Variants in HECW1 observed in about 807,000 individuals in gnomAD.
The protein encoded by HECW1 is HECT, C2 and WW domain containing E3 ubiquitin protein ligase 1.
A neutral mutation model predicts 182.3 loss-of-function variants in HECW1; 61 were observed. The ratio of observed to expected loss-of-function variants is 0.33; its 90% CI spans 0.27 to 0.41. HECW1 has a LOEUF of 0.41. Ranked by LOEUF, HECW1 falls within the 10% of genes least tolerant of loss-of-function variation. The pLI, the probability that HECW1 is intolerant of heterozygous loss-of-function variation, is 1.00. For synonymous variants in HECW1, 859 were observed against 832.6 expected (o/e 1.03, Z -0.55); for missense variants, 1,739 against 2,108.9 (o/e 0.82, Z 3.44).
intron 3 of HECW1, among the ~76,000 whole-genome samples, chr7:43,261,502 T>C (rs1020921864): frequency 5.9e-5 from 9 of 152,168 alleles, no homozygotes; most frequent in Admixed American, 5.2e-4. Context: ...GTTTAAACCC[T>C]TGGGGGTTAA....
intron 24 of HECW1, among the ~76,000 whole-genome samples, chr7:43,530,624 C>CTAAATTTA (rs1306387716): frequency 1.3e-5 from 2 of 152,064 alleles, no homozygotes; most frequent in Non-Finnish European, 1.5e-5. Context: ...CATATGAATT[C>CTAAATTTA]TAAATTTATA....
In HECW1 at chr7:43,479,617, T is replaced by C; in HGVS notation, c.3107T>C (p.Phe1036Ser). 6.2e-7 allele frequency: 1 copy of C among 1,614,144 alleles called. No individual in the cohort carries two copies. Among genetic ancestry groups the C allele is most frequent in the Non-Finnish European group, 8.5e-7 (1 of 1,180,016 alleles). Residue 1036 changes from phenylalanine (F) to serine (S), a missense_variant, in exon 17 of 30, where the codon TTC (phenylalanine) becomes TCC (serine). Around this residue, in one of 5 missense-constraint regions of HECW1, gnomAD observed 971 missense variants for 1,029.1 expected, o/e 0.94. Transcript: ENST00000395891. ...TCACTGGTCTGTTCGCAGTCTTTTT[T>C]CGTGGACCACAACAGTCGAGCTACC... ...IKTDQQGKSF[F>S]VDHNSRATTF...
At chr7:43,193,778 T>A (rs1191893423) in intron 2 of HECW1, among the ~76,000 whole-genome samples, 1 of 122,546 alleles carries the variant, frequency 8.2e-6, no homozygotes, top group Non-Finnish European at 1.8e-5. Context: ...CTGCCTGACC[T>A]TTTGCCTGAT....
chr7:43,307,855 T>A (rs1288554629), intron 3 of HECW1, among the ~76,000 whole-genome samples: 1 of 139,980 alleles, frequency 7.1e-6, no homozygotes, highest in Non-Finnish European at 1.5e-5. Flanking sequence ...GCTAGCTAAC[T>A]TGATTGTGGT....
At chr7:43,187,553 T>G (rs889399841) in intron 2 of HECW1, among the ~76,000 whole-genome samples, 4 of 149,458 alleles carry the variant, frequency 2.7e-5, no homozygotes, top group Non-Finnish European at 4.4e-5. Context: ...CATTCTAAAA[T>G]CGTTTTTGTG....
intron 3 of HECW1, among the ~76,000 whole-genome samples, chr7:43,275,194 C>T (rs962805987): frequency 6.6e-6 from 1 of 152,100 alleles, no homozygotes; most frequent in South Asian, 2.1e-4. Context: ...AAAAAGTTTA[C>T]TTGAAATCCT....
chr7:43,163,694 C>A (rs537551103), intron 2 of HECW1, among the ~76,000 whole-genome samples: 3 of 152,268 alleles, frequency 2.0e-5, no homozygotes, highest in African/African-American at 7.2e-5. Context: ...TAAGCTCCCC[C>A]AAATGGCTCT....
chr7:43,205,179 G>A (rs929179642), intron 2 of HECW1, among the ~76,000 whole-genome samples: 3 of 151,948 alleles, frequency 2.0e-5, no homozygotes, highest in African/African-American at 7.3e-5. Flanking sequence ...CACCTCTTGG[G>A]TTCAAGAGAT....
intron 16 of HECW1, among the ~76,000 whole-genome samples, chr7:43,478,704 AT>A (rs2078311092): frequency 6.6e-6 from 1 of 151,902 alleles, no homozygotes; most frequent in Non-Finnish European, 1.5e-5. Flanking sequence ...ATTTTTTTTG[AT>A]TTGGGGTGAT....
At chr7:43,118,733 C>T (rs931050166) in intron 2 of HECW1, among the ~76,000 whole-genome samples, 2 of 151,966 alleles carry the variant, frequency 1.3e-5, no homozygotes, top group East Asian at 1.9e-4. Context: ...AAAAAAAAAT[C>T]GTTTTGAGGA....
chr7:43,468,128 G>A (rs550596423), intron 15 of HECW1, among the ~76,000 whole-genome samples: 13 of 151,066 alleles, frequency 8.6e-5, no homozygotes, highest in South Asian at 2.1e-4. Context: ...CCTGTGTACC[G>A]TCACATTGTC....
intron 5 of HECW1, among the ~76,000 whole-genome samples, chr7:43,348,171 A>T (rs1279434346): frequency 3.3e-5 from 5 of 152,036 alleles, no homozygotes; most frequent in Admixed American, 1.3e-4. Context: ...TAATTTTTTA[A>T]TTACCATTTT....
intron 24 of HECW1, chr7:43,510,091 G>C (rs879842827): frequency 6.6e-6 from 1 of 152,254 alleles, no homozygotes; most frequent in Non-Finnish European, 1.5e-5. Context: ...GGCACAAGAT[G>C]AAACAAAACG....
chr7:43,364,702 C>T lies in HECW1; in HGVS notation c.555+3722C>T, dbSNP rs59520664. 4.7e-3 allele frequency among the ~76,000 whole-genome samples: 720 copies of T among 152,336 alleles called. 5 individuals carry two copies. The highest frequency in any genetic ancestry group is 0.016 in the African/African-American group (685 of 41,574). The stretch of plus-strand genomic sequence containing the variant: ...GCTCAGGCCTGGCAGGGAAGGAGAC[C>T]TAGTTGTCTTAGGTTTAAAGAATAT... On this transcript the variant is annotated intron_variant, in intron 6 of 29. Coordinates refer to ENST00000395891, the MANE Select transcript of HECW1 (RefSeq NM_015052.5).
At chr7:43,127,525 A>G (rs1367126268) in intron 2 of HECW1, among the ~76,000 whole-genome samples, 1 of 140,844 alleles carries the variant, frequency 7.1e-6, no homozygotes, top group Non-Finnish European at 1.5e-5. Context: ...CTCCATCTCA[A>G]AAAAAAAAAA....
At chr7:43,329,916 T>G (rs1811255991) in intron 5 of HECW1, among the ~76,000 whole-genome samples, 1 of 152,172 alleles carries the variant, frequency 6.6e-6, no homozygotes, top group African/African-American at 2.4e-5. Flanking sequence ...GCAAGAGCCT[T>G]TCTTTTTAAT....
intron 3 of HECW1, among the ~76,000 whole-genome samples, chr7:43,265,532 G>T (rs1354846712): frequency 3.3e-5 from 5 of 152,136 alleles, no homozygotes; most frequent in African/African-American, 9.7e-5. Flanking sequence ...CTACAAAAAT[G>T]GCAATTTCAT....
At chr7:43,125,621 G>A (rs1786133203) in intron 2 of HECW1, among the ~76,000 whole-genome samples, 2 of 151,880 alleles carry the variant, frequency 1.3e-5, no homozygotes, top group African/African-American at 4.8e-5. Context: ...AGCCGGGCAT[G>A]GTGTCACATG....
At position 43,339,285 on chromosome 7, in the gene HECW1, A is replaced by G. The variant is rs546221223; in HGVS notation, c.460+18543A>G. Among the ~76,000 whole-genome samples the G allele has an allele frequency of 5.5e-4, 84 of 151,956 alleles. 1 individual carries two copies. The highest frequency in any genetic ancestry group is 1.9e-3 in the African/African-American group (79 of 41,456). On this transcript the variant is annotated intron_variant, in intron 5 of 29. Transcript: ENST00000395891. ...TGTGTCCCTCTGTTCCTTTTTCTCT[A>G]TGTACTTTCTCCCCTTTCTTTCCTC...
Sources: gnomAD v4.1 joint callset for allele counts (sites outside exome capture counted in the v4.1 genomes callset) on GRCh38, gnomAD v4.1.1 for gene constraint, gnomAD v4.1.1 regional missense constraint, MANE v1.5 for transcripts, NCBI Gene and HGNC (gene_info 2026-07-23, HGNC 2026-07-21) for gene names.